Variants in FAF1 observed in about 807,000 individuals in gnomAD.
FAF1 encodes the protein Fas associated factor 1, also known as FAS-associated factor 1.
Under a neutral mutation model 92.5 loss-of-function variants are expected in FAF1, and 25 were observed. That is an observed-to-expected ratio of 0.27 (90% CI 0.20 to 0.38). FAF1 has a LOEUF of 0.38. Among genes scored for constraint, FAF1 ranks in the 10% least tolerant of loss-of-function variants. The pLI, the probability that FAF1 is intolerant of heterozygous loss-of-function variation, is 1.00. For missense variants in FAF1, 636 were observed against 793.3 expected, an observed-to-expected ratio of 0.80 and a Z score of 2.38; for synonymous variants, 234 against 273.2, an observed-to-expected ratio of 0.86 and a Z score of 1.42.
chr1:50,573,525 A>T (rs146881643), intron 12 of FAF1, among the ~76,000 whole-genome samples: 1 of 152,222 alleles, frequency 6.6e-6, no homozygotes, highest in East Asian at 1.9e-4. Context: ...ACTCCAAGCT[A>T]GTTATCTTTA....
chr1:50,948,439 A>G (rs1448987953), intron 1 of FAF1, among the ~76,000 whole-genome samples: 1 of 152,190 alleles, frequency 6.6e-6, no homozygotes, highest in Non-Finnish European at 1.5e-5. Flanking sequence ...ACAGCCTCTC[A>G]CAGTCAACCC....
chr1:50,596,345 T>C (rs1572858386), intron 8 of FAF1, 129 bp from the exon 9 acceptor site: 1 of 646,892 alleles, frequency 1.5e-6, no homozygotes, highest in Non-Finnish European at 2.6e-6. Flanking sequence ...TCCTGGGTAT[T>C]ACATTACCAG....
At chr1:50,812,998 A>G (rs906720179) in intron 2 of FAF1, among the ~76,000 whole-genome samples, 2 of 152,192 alleles carry the variant, frequency 1.3e-5, no homozygotes, top group African/African-American at 2.4e-5. Flanking sequence ...GTTCTCACTT[A>G]TAAGTAGGAG....
chr1:50,492,666 T>C (rs1204447174), intron 15 of FAF1, among the ~76,000 whole-genome samples: 2 of 152,180 alleles, frequency 1.3e-5, no homozygotes, highest in African/African-American at 2.4e-5. Context: ...CAGAACCATA[T>C]AAAGCCACCA....
chr1:50,649,719 GAT>G (rs1356404411), intron 8 of FAF1, among the ~76,000 whole-genome samples: 1 of 145,868 alleles, frequency 6.9e-6, no homozygotes, highest in Non-Finnish European at 1.5e-5. Context: ...GAGGCAGGTG[GAT>G]CACAAGGTCA....
chr1:50,785,131 T>TC (rs1246601686), intron 4 of FAF1, among the ~76,000 whole-genome samples: 1 of 37,170 alleles, frequency 2.7e-5, no homozygotes, highest in African/African-American at 1.6e-4. Flanking sequence ...AGACCCTATC[T>TC]CAAAAAAAAA....
chr1:50,821,803 T>C (rs1644045393), intron 2 of FAF1, among the ~76,000 whole-genome samples: 1 of 152,156 alleles, frequency 6.6e-6, no homozygotes, highest in African/African-American at 2.4e-5. Context: ...ATTGATACCC[T>C]TTTTTAAAAT....
intron 4 of FAF1, among the ~76,000 whole-genome samples, chr1:50,769,338 A>G (rs535074391): frequency 2.0e-5 from 3 of 152,300 alleles, no homozygotes; most frequent in Non-Finnish European, 4.4e-5. Flanking sequence ...GGACCAGATG[A>G]GCTCACAGTT....
chr1:50,666,886 AAACAAC>A (rs777094786), intron 7 of FAF1, among the ~76,000 whole-genome samples: 4 of 152,132 alleles, frequency 2.6e-5, no homozygotes, highest in African/African-American at 9.7e-5. Flanking sequence ...CTCCATCTCA[AAACAAC>A]AACAACAACA....
At chr1:50,956,883 G>A (rs1449145685) in intron 1 of FAF1, among the ~76,000 whole-genome samples, 1 of 152,204 alleles carries the variant, frequency 6.6e-6, no homozygotes, top group Non-Finnish European at 1.5e-5. Context: ...GAGAGGCGGA[G>A]GTTGCAGTGA....
At chr1:50,504,704 T>C (rs921537414) in intron 15 of FAF1, among the ~76,000 whole-genome samples, 15 of 152,222 alleles carry the variant, frequency 9.9e-5, no homozygotes, top group African/African-American at 2.7e-4. Flanking sequence ...GTCCTCATCA[T>C]AGTCAAGGAC....
intron 6 of FAF1, among the ~76,000 whole-genome samples, chr1:50,710,102 C>T (rs1394913812): frequency 2.6e-5 from 4 of 152,174 alleles, no homozygotes; most frequent in Non-Finnish European, 4.4e-5. Flanking sequence ...GGCTGAGGAG[C>T]TCGGAGTTCC....
intron 7 of FAF1, among the ~76,000 whole-genome samples, chr1:50,672,512 G>T (rs1655941889): frequency 6.6e-6 from 1 of 151,634 alleles, no homozygotes; most frequent in East Asian, 1.9e-4. Flanking sequence ...CGAACTCCTG[G>T]ATTCAAACAA....
intron 2 of FAF1, among the ~76,000 whole-genome samples, chr1:50,845,843 C>T (rs1345356571): frequency 1.3e-5 from 2 of 152,062 alleles, no homozygotes; most frequent in East Asian, 1.9e-4. Context: ...AGACTCGTGG[C>T]CAGGCGTGGT....
rs117343996 is a variant in FAF1 at position 50,666,243 on chromosome 1, T to C, written c.658-10715A>G. The stretch of plus-strand genomic sequence containing the variant: ...ACTTTTTTTGTGTTGAGACAGTGTC[T>C]TACTCTGTCACCCAGTTGGAGTGAA... On this transcript the variant is annotated intron_variant, in intron 7 of 18. Coordinates refer to ENST00000396153, the MANE Select transcript of FAF1 (RefSeq NM_007051.3). 7.2e-5 allele frequency among the ~76,000 whole-genome samples: 11 copies of C among 152,128 alleles called. No individual in the cohort carries two copies. The East Asian group carries it at 9.7e-4, about 13-fold the overall frequency.
intron 13 of FAF1, among the ~76,000 whole-genome samples, chr1:50,549,585 G>A (rs1649202475): frequency 6.6e-6 from 1 of 151,932 alleles, no homozygotes; most frequent in African/African-American, 2.4e-5. Context: ...GACCAGCCTG[G>A]CCAACAAGGT....
At chr1:50,613,331 T>C (rs1185256391) in intron 8 of FAF1, among the ~76,000 whole-genome samples, 1 of 152,226 alleles carries the variant, frequency 6.6e-6, no homozygotes, top group African/African-American at 2.4e-5. Flanking sequence ...GACTTAAAAC[T>C]ACCAATCAAA....
At chr1:50,463,812 AC>A (rs1646461514) in intron 18 of FAF1, among the ~76,000 whole-genome samples, 1 of 152,162 alleles carries the variant, frequency 6.6e-6, no homozygotes, top group South Asian at 2.1e-4. Flanking sequence ...GAGATCCACC[AC>A]CTCTTGGAAG....
At chr1:50,627,943 A>C (rs777974717) in intron 8 of FAF1, among the ~76,000 whole-genome samples, 1 of 152,188 alleles carries the variant, frequency 6.6e-6, no homozygotes, top group African/African-American at 2.4e-5. Context: ...ATTCTGGTGG[A>C]GAAACAAATT....
Sources: gnomAD v4.1 joint callset for allele counts (sites outside exome capture counted in the v4.1 genomes callset) on GRCh38, gnomAD v4.1.1 for gene constraint, MANE v1.5 for transcripts, NCBI Gene and HGNC (gene_info 2026-07-23, HGNC 2026-07-21) for gene names.